Variants in ELMO1 observed in about 807,000 individuals in gnomAD.
The protein encoded by ELMO1 is engulfment and cell motility 1, also known as engulfment and cell motility protein 1.
ELMO1 carries 26 observed loss-of-function variants against 98.9 expected under a neutral mutation model. The ratio of observed to expected loss-of-function variants is 0.26; its 90% CI spans 0.19 to 0.36. ELMO1 has a LOEUF of 0.36. Among genes scored for constraint, ELMO1 ranks in the 10% least tolerant of loss-of-function variants. ELMO1 has a pLI of 1.00. For missense variants in ELMO1, 627 were observed against 935.2 expected, an observed-to-expected ratio of 0.67 and a Z score of 4.30; for synonymous variants, 346 against 346.0, an observed-to-expected ratio of 1.00 and a Z score of 0.00.
chr7:36,855,952 G>C lies in ELMO1; in HGVS notation c.1984-201C>G, dbSNP rs1802168015. 6.6e-6 allele frequency among the ~76,000 whole-genome samples: 1 copy of C among 152,206 alleles called. No individual in the cohort carries two copies. The highest frequency in any genetic ancestry group is 6.5e-5 in the Admixed American group (1 of 15,288). ...TCTGTTTTATAGGTGAAGGAACTGA[G>C]GTACAGAGAAGTGACTCAGTATTAT... On this transcript the variant is annotated intron_variant, in intron 21 of 21. Transcript: ENST00000310758. This position sits in a 1 kb window ranked among gnomAD's most constrained non-coding sequence, Gnocchi z 4.2.
intron 11 of ELMO1, 55 bp downstream of exon 11, chr7:37,216,590 A>G: frequency 6.3e-7 from 1 of 1,597,368 alleles, no homozygotes; most frequent in Admixed American, 1.7e-5. Context: ...AGAGATTAAC[A>G]AATGCACCAG....
intron 4 of ELMO1, among the ~76,000 whole-genome samples, chr7:37,289,872 T>A (rs1035391149): frequency 6.6e-6 from 1 of 152,180 alleles, no homozygotes; most frequent in Non-Finnish European, 1.5e-5. Flanking sequence ...AGTTCAACAT[T>A]ACAAGCATTA....
chr7:37,307,177 T>C (rs779109531), intron 4 of ELMO1, among the ~76,000 whole-genome samples: 1 of 152,224 alleles, frequency 6.6e-6, no homozygotes, highest in Non-Finnish European at 1.5e-5. Flanking sequence ...AAGGGGAAGT[T>C]AAAATTTGAT....
At chr7:37,125,078 G>A (rs1035386571) in intron 14 of ELMO1, among the ~76,000 whole-genome samples, 3 of 152,028 alleles carry the variant, frequency 2.0e-5, no homozygotes, top group African/African-American at 7.2e-5. Flanking sequence ...AAACTGGCTA[G>A]CCATATGTAG....
chr7:37,418,525 C>G (rs779995124), intron 1 of ELMO1, among the ~76,000 whole-genome samples: 1 of 152,182 alleles, frequency 6.6e-6, no homozygotes, highest in African/African-American at 2.4e-5. Flanking sequence ...ACTGGATCTG[C>G]CCAGGCCCCT....
At chr7:37,271,698 C>A in intron 5 of ELMO1, 134 bp downstream of exon 5, 1 of 868,606 alleles carries the variant, frequency 1.2e-6, no homozygotes, top group East Asian at 2.6e-5. Context: ...AATCCAGAAT[C>A]TGCATGTCAG....
intron 1 of ELMO1, among the ~76,000 whole-genome samples, chr7:37,374,868 C>A (rs951756112): frequency 2.0e-5 from 3 of 152,010 alleles, no homozygotes; most frequent in Non-Finnish European, 4.4e-5. Context: ...CAAGACAGTG[C>A]AGCCAAGATG....
intron 4 of ELMO1, among the ~76,000 whole-genome samples, chr7:37,307,940 C>A (rs1256169673): frequency 2.0e-5 from 3 of 152,042 alleles, no homozygotes; most frequent in African/African-American, 7.2e-5. Flanking sequence ...TGGTGAAACC[C>A]CATCTCTACT....
intron 16 of ELMO1, among the ~76,000 whole-genome samples, chr7:36,953,800 C>G (rs1478170542): frequency 6.6e-6 from 1 of 151,072 alleles, no homozygotes; most frequent in African/African-American, 2.4e-5. Flanking sequence ...AGATTTCACT[C>G]TTCCCTGCTC....
At chr7:37,443,496 C>T (rs1805494609) in intron 1 of ELMO1, among the ~76,000 whole-genome samples, 2 of 152,176 alleles carry the variant, frequency 1.3e-5, no homozygotes, top group Middle Eastern at 3.2e-3. Flanking sequence ...GCTAGCATTC[C>T]TTCTCCCACA....
intron 5 of ELMO1, chr7:37,270,090 A>G (rs1383644126): frequency 6.6e-6 from 1 of 152,246 alleles, no homozygotes; most frequent in Admixed American, 6.5e-5. Flanking sequence ...CAAGCAGATG[A>G]TGACTTTTAG....
intron 14 of ELMO1, among the ~76,000 whole-genome samples, chr7:37,099,560 A>G (rs1345323164): frequency 6.6e-6 from 1 of 152,216 alleles, no homozygotes; most frequent in Admixed American, 6.5e-5. Flanking sequence ...AAAAGGTGCT[A>G]TTACCACTCA....
At chr7:36,937,751 GTT>G in intron 16 of ELMO1, among the ~76,000 whole-genome samples, 1 of 152,226 alleles carries the variant, frequency 6.6e-6, no homozygotes, top group East Asian at 1.9e-4. Flanking sequence ...CACAATACCC[GTT>G]GTTTAAAAAT....
At chr7:37,189,225 G>C (rs907480387) in intron 13 of ELMO1, among the ~76,000 whole-genome samples, 1 of 152,112 alleles carries the variant, frequency 6.6e-6, no homozygotes, top group African/African-American at 2.4e-5. Flanking sequence ...GGGACAAAAG[G>C]AATTAAAAAA....
At position 37,128,819 on chromosome 7, in the gene ELMO1, CA is replaced by C. The variant is rs548973609; in HGVS notation, c.1191+4310del. On this transcript the variant is annotated intron_variant, in intron 14 of 21. Coordinates refer to ENST00000310758, the MANE Select transcript of ELMO1 (RefSeq NM_014800.11). ...AGCCACTATGTGCTAGGCTCTGTGCCAGGGGCTAGAATATAAATGAACCTTG... is the reference window on the plus strand; with the variant it reads ...AGCCACTATGTGCTAGGCTCTGTGCCGGGGCTAGAATATAAATGAACCTTG... 3.3e-5 allele frequency among the ~76,000 whole-genome samples: 5 copies of C among 152,152 alleles called. No homozygotes were observed. The South Asian group carries it at 1.0e-3, about 32-fold the overall frequency.
chr7:37,210,470 T>C (rs886611908), intron 13 of ELMO1, among the ~76,000 whole-genome samples: 4 of 151,392 alleles, frequency 2.6e-5, no homozygotes, highest in Non-Finnish European at 4.4e-5. Context: ...GTATAAATAT[T>C]ATTATTAGTA....
Position 37,213,566 on chromosome 7 carries a change from T to C in ELMO1, c.832-109A>G, listed in dbSNP as rs957472792. ...AGTCTTCACTGGGAGGTATAAGGAA[T>C]GGAGAAGGAAGGTGAGGGCACAGGG... On this transcript the variant is annotated intron_variant, in intron 11 of 21. Transcript: ENST00000310758. The C allele has an allele frequency of 3.8e-6, 4 of 1,052,790 alleles. No individual in the cohort carries two copies. In the African/African-American group the frequency reaches 6.4e-5, roughly 17 times the overall value. 65.2% of individuals were successfully genotyped at this position (1,052,790 alleles called of 1,614,324 possible). A position where few individuals can be genotyped will look rare whatever the true frequency, so the allele number is the denominator to read the frequency against.
chr7:37,123,887 A>G (rs1050061548), intron 14 of ELMO1, among the ~76,000 whole-genome samples: 2 of 152,252 alleles, frequency 1.3e-5, no homozygotes, highest in Non-Finnish European at 2.9e-5. Context: ...AAAAATCCTC[A>G]GTAAAATACT....
At chr7:36,899,684 C>CTTTTT (rs10522661) in intron 16 of ELMO1, among the ~76,000 whole-genome samples, 1,275 of 63,668 alleles carry the variant, frequency 0.02, 155 homozygotes, top group African/African-American at 0.058. Context: ...CTTTACTCAT[C>CTTTTT]TTTTTTTTTT....
Sources: allele counts gnomAD v4.1 joint callset (sites outside exome capture counted in the v4.1 genomes callset), GRCh38; gene constraint gnomAD v4.1.1; non-coding constraint Gnocchi (gnomAD v3.1); transcripts MANE v1.5; gene names NCBI Gene and HGNC (gene_info 2026-07-23, HGNC 2026-07-21).